Variants in LIPH observed in about 807,000 individuals in gnomAD.
The protein encoded by LIPH is lipase H, also known as lipase member H.
A neutral mutation model predicts 47.6 loss-of-function variants in LIPH; 32 were observed. That is an observed-to-expected ratio of 0.67 (90% CI 0.51 to 0.90). The LOEUF is 0.90. LIPH is among the 40% of genes least tolerant of loss of function. LIPH has a pLI of 0.00. For synonymous variants in LIPH, 190 were observed against 195.6 expected (o/e 0.97, Z 0.24); for missense variants, 497 against 541.4 (o/e 0.92, Z 0.81).
At chr3:185,535,794 G>A (rs1720487155) in intron 1 of LIPH, among the ~76,000 whole-genome samples, 1 of 151,826 alleles carries the variant, frequency 6.6e-6, no homozygotes, top group African/African-American at 2.4e-5. Flanking sequence ...GAAGAGATGG[G>A]GTTTCACCAT....
intron 3 of LIPH, among the ~76,000 whole-genome samples, chr3:185,531,868 C>G (rs989022642): frequency 6.6e-6 from 1 of 152,088 alleles, no homozygotes; most frequent in African/African-American, 2.4e-5. Flanking sequence ...GAGACAGGAT[C>G]TCACTCTGTC....
At chr3:185,534,170 A>G (rs1305242478) in intron 2 of LIPH, among the ~76,000 whole-genome samples, 3 of 152,194 alleles carry the variant, frequency 2.0e-5, no homozygotes, top group African/African-American at 7.2e-5. Context: ...ATCCTGGCCA[A>G]CATGGTGAAA....
In LIPH at chr3:185,540,906, C is replaced by T. The variant is rs978205907; in HGVS notation, c.50-5774G>A. ...TTCTGGGCATCTGGAAACTGGATTT[C>T]CGACTCGGAGTGCGCTGCCGACTTC... On this transcript the variant is annotated intron_variant, in intron 1 of 9. Coordinates refer to ENST00000296252, the MANE Select transcript of LIPH (RefSeq NM_139248.3). Among the ~76,000 whole-genome samples, 31 of 152,146 alleles carry T rather than the reference C, an allele frequency of 2.0e-4. 1 individual carries two copies. Among genetic ancestry groups the T allele is most frequent in the Admixed American group, 6.6e-5 (1 of 15,250 alleles).
At chr3:185,536,844 T>A (rs1215362120) in intron 1 of LIPH, among the ~76,000 whole-genome samples, 4 of 152,236 alleles carry the variant, frequency 2.6e-5, no homozygotes, top group African/African-American at 4.8e-5. Flanking sequence ...TCTGCTTTCA[T>A]GAAGTTAAAG....
chr3:185,527,051 A>T (rs1720127531), intron 4 of LIPH, among the ~76,000 whole-genome samples: 1 of 152,184 alleles, frequency 6.6e-6, no homozygotes, highest in East Asian at 1.9e-4. Context: ...CATCCTGGCT[A>T]ACACGGTGAA....
intron 1 of LIPH, among the ~76,000 whole-genome samples, chr3:185,538,454 A>G (rs62290256): frequency 0.041 from 6,181 of 152,270 alleles, 156 homozygotes; most frequent in Non-Finnish European, 0.063. Flanking sequence ...TCTGGGGATC[A>G]GGAATCTTCT....
intron 6 of LIPH, among the ~76,000 whole-genome samples, chr3:185,517,476 C>T (rs1281029795): frequency 6.6e-6 from 1 of 152,156 alleles, no homozygotes; most frequent in East Asian, 1.9e-4. Flanking sequence ...TTCAGTAATA[C>T]ATTCATTTTC....
intron 3 of LIPH, among the ~76,000 whole-genome samples, chr3:185,529,598 C>A (rs1450241827): frequency 6.6e-6 from 1 of 151,112 alleles, no homozygotes; most frequent in East Asian, 2.0e-4. Context: ...TAGCTTTAAT[C>A]CCTCCATTTC....
chr3:185,514,645 T>C, intron 7 of LIPH, 124 bp from the exon 8 acceptor site: 1 of 704,072 alleles, frequency 1.4e-6, no homozygotes, highest in East Asian at 2.7e-5. Flanking sequence ...CTCTGGTTTC[T>C]CTGCAAAGAT....
chr3:185,529,906 AAAAGAAAG>A lies in LIPH; in HGVS notation c.527-2329_527-2322del, dbSNP rs1180211034. Among the ~76,000 whole-genome samples, 634 of 122,716 alleles carry A rather than the reference AAAAGAAAG, an allele frequency of 5.2e-3. 6 individuals carry two copies. The highest frequency in any genetic ancestry group is 0.012 in the Middle Eastern group (3 of 258). 80.5% of individuals were successfully genotyped at this position (122,716 alleles called of 152,430 possible). A position where few individuals can be genotyped will look rare whatever the true frequency, so the allele number is the denominator to read the frequency against. ...AAGAGAGAGAGAGAAAGAGAGAAAG[AAAAGAAAG>A]AAAGAAAGAAAGAAAGAAAGAAAGA... On this transcript the variant is annotated intron_variant, in intron 3 of 9. Coordinates refer to ENST00000296252, the MANE Select transcript of LIPH (RefSeq NM_139248.3).
At chr3:185,522,821 G>T (rs1719952090) in intron 5 of LIPH, among the ~76,000 whole-genome samples, 1 of 152,122 alleles carries the variant, frequency 6.6e-6, no homozygotes, top group Non-Finnish European at 1.5e-5. Flanking sequence ...AACACAAAAT[G>T]ATAGGAAATA....
chr3:185,528,593 TC>T (rs374880483), intron 3 of LIPH, among the ~76,000 whole-genome samples: 1 of 152,256 alleles, frequency 6.6e-6, no homozygotes, highest in African/African-American at 2.4e-5. Flanking sequence ...TGCAACCACT[TC>T]TATCTGTTGA....
chr3:185,531,140 G>A (rs1453160685), intron 3 of LIPH, among the ~76,000 whole-genome samples: 6 of 152,144 alleles, frequency 3.9e-5, no homozygotes, highest in South Asian at 2.1e-4. Flanking sequence ...GGATAGATAC[G>A]GAGCCCCAAA....
chr3:185,533,911 G>A (rs1577681042), intron 2 of LIPH, among the ~76,000 whole-genome samples: 1 of 152,240 alleles, frequency 6.6e-6, no homozygotes. Flanking sequence ...CAGCTGGGGA[G>A]AGAGCAGAGC....
chr3:185,545,464 T>C (rs1720841335), intron 1 of LIPH, among the ~76,000 whole-genome samples: 1 of 152,232 alleles, frequency 6.6e-6, no homozygotes. Context: ...CATTTATATA[T>C]TGTCCACGGC....
At chr3:185,532,588 G>A (rs1720366602) in intron 3 of LIPH, among the ~76,000 whole-genome samples, 1 of 151,680 alleles carries the variant, frequency 6.6e-6, no homozygotes, top group Non-Finnish European at 1.5e-5. Flanking sequence ...TCAGGAGTTC[G>A]AGACCAGCCT....
rs201101302 is a variant in LIPH, at chr3:185,517,844, G to GA, written c.887-683dup. The stretch of plus-strand genomic sequence containing the variant: ...TTGTTAACTTGGATTTTTCCTTTTG[G>GA]AAAAAAAATAGAAAATCCTCATGAC... On this transcript the variant is annotated intron_variant, in intron 6 of 9. Transcript: ENST00000296252. Among the ~76,000 whole-genome samples, 1,349 of 151,530 alleles carry GA rather than the reference G, an allele frequency of 8.9e-3. 20 individuals carry two copies. The highest frequency in any genetic ancestry group is 0.031 in the African/African-American group (1,268 of 41,316).
intron 3 of LIPH, among the ~76,000 whole-genome samples, chr3:185,528,167 T>C (rs1231075895): frequency 6.7e-6 from 1 of 149,830 alleles, no homozygotes; most frequent in Non-Finnish European, 1.5e-5. Flanking sequence ...GAGGTTACAG[T>C]GAGCCAAGAT....
intron 9 of LIPH, 92 bp downstream of exon 9, chr3:185,511,432 A>C: frequency 8.9e-7 from 1 of 1,129,168 alleles, no homozygotes; most frequent in South Asian, 1.2e-5. Flanking sequence ...TGAATAATAG[A>C]GTCTTATTAA....
Sources: allele counts gnomAD v4.1 joint callset (sites outside exome capture counted in the v4.1 genomes callset), GRCh38; gene constraint gnomAD v4.1.1; transcripts MANE v1.5; gene names NCBI Gene and HGNC (gene_info 2026-07-23, HGNC 2026-07-21).